The following TRPM3 variants were observed in gnomAD, a reference collection of about 807,000 sequenced individuals.
TRPM3 encodes transient receptor potential cation channel subfamily M member 3, also known as long transient receptor potential channel 3.
Under a neutral mutation model 181.2 loss-of-function variants are expected in TRPM3, and 77 were observed. That is an observed-to-expected ratio of 0.42 (90% CI 0.35 to 0.51). The LOEUF (loss-of-function observed/expected upper bound fraction) is 0.51. TRPM3 is among the 20% of genes least tolerant of loss of function. The pLI is 0.01. For missense variants in TRPM3, 1,759 were observed against 2,196.7 expected, an observed-to-expected ratio of 0.80 and a Z score of 3.98; for synonymous variants, 745 against 796.4, an observed-to-expected ratio of 0.94 and a Z score of 1.09.
At chr9:71,031,972 T>TTATA (rs1357270207) in intron 1 of TRPM3, among the ~76,000 whole-genome samples, 16 of 636 alleles carry the variant, frequency 0.025, no homozygotes, top group African/African-American at 0.038. Flanking sequence ...TATATATATA[T>TTATA]TATATATATA....
chr9:70,810,215 T>C, intron 6 of TRPM3: 2 of 388,296 alleles, frequency 5.2e-6, no homozygotes, highest in South Asian at 3.7e-5. Context: ...CATCACCCTG[T>C]CCTATGGGTA....
intron 22 of TRPM3, among the ~76,000 whole-genome samples, chr9:70,561,035 AG>A (rs2048925947): frequency 6.6e-6 from 1 of 152,238 alleles, no homozygotes; most frequent in Non-Finnish European, 1.5e-5. Context: ...ATGGCAAAAA[AG>A]GATATTTCTT....
At chr9:70,550,939 G>A (rs2046318503) in intron 24 of TRPM3, among the ~76,000 whole-genome samples, 2 of 152,162 alleles carry the variant, frequency 1.3e-5, no homozygotes. Context: ...CAGAGCATTA[G>A]TCTCGAGGGA....
chr9:71,207,261 C>T (rs1295997621), intron 1 of TRPM3, among the ~76,000 whole-genome samples: 4 of 152,078 alleles, frequency 2.6e-5, no homozygotes, highest in African/African-American at 9.7e-5. Context: ...ATAAATAATA[C>T]ATCTCTTACA....
intron 1 of TRPM3, among the ~76,000 whole-genome samples, chr9:70,865,058 G>A (rs182203783): frequency 4.0e-5 from 6 of 150,406 alleles, no homozygotes; most frequent in African/African-American, 1.2e-4. Context: ...GGGGGGGGGA[G>A]GAAAATAAAA....
chr9:70,961,283 A>C (rs1428800378), intron 1 of TRPM3, among the ~76,000 whole-genome samples: 1 of 117,338 alleles, frequency 8.5e-6, no homozygotes, highest in Non-Finnish European at 1.8e-5. Flanking sequence ...TACAGTCTCC[A>C]GAAGACATAC....
chr9:70,756,372 G>A (rs1160233683), intron 8 of TRPM3, among the ~76,000 whole-genome samples: 1 of 152,050 alleles, frequency 6.6e-6, no homozygotes, highest in Non-Finnish European at 1.5e-5. Context: ...AAGAGACTTA[G>A]ACTCCCACAC....
chr9:71,251,222 A>G (rs2082323994), intron 1 of TRPM3, among the ~76,000 whole-genome samples: 2 of 152,162 alleles, frequency 1.3e-5, no homozygotes, highest in Admixed American at 6.5e-5. Flanking sequence ...AGTATTCCTG[A>G]TATACATTCT....
intron 1 of TRPM3, among the ~76,000 whole-genome samples, chr9:70,930,798 T>G (rs891025154): frequency 6.6e-6 from 1 of 152,118 alleles, no homozygotes; most frequent in African/African-American, 2.4e-5. Flanking sequence ...TTATTTTAAA[T>G]GTCCATTGAA....
chr9:70,889,687 T>C (rs1378979141), intron 1 of TRPM3, among the ~76,000 whole-genome samples: 1 of 152,184 alleles, frequency 6.6e-6, no homozygotes, highest in Non-Finnish European at 1.5e-5. Context: ...CCAATCTGCA[T>C]TTTAATGCCT....
At chr9:70,574,141 A>C (rs1190634756) in intron 22 of TRPM3, among the ~76,000 whole-genome samples, 1 of 151,904 alleles carries the variant, frequency 6.6e-6, no homozygotes, top group East Asian at 1.9e-4. Flanking sequence ...ATCATCAACA[A>C]CATAATCATC....
intron 1 of TRPM3, among the ~76,000 whole-genome samples, chr9:71,032,110 T>A (rs1455504426): frequency 2.2e-5 from 2 of 90,028 alleles, no homozygotes; most frequent in African/African-American, 8.5e-5. Flanking sequence ...ATTATATATA[T>A]TATATTATAT....
chr9:70,861,367 T>TA (rs1459218822), intron 3 of TRPM3, among the ~76,000 whole-genome samples: 3 of 152,178 alleles, frequency 2.0e-5, no homozygotes, highest in Non-Finnish European at 4.4e-5. Flanking sequence ...TGCTCTCACT[T>TA]ACAAGCCTAT....
chr9:70,854,204 A>T (rs2095323529), intron 3 of TRPM3, among the ~76,000 whole-genome samples: 1 of 152,262 alleles, frequency 6.6e-6, no homozygotes, highest in Admixed American at 6.5e-5. Flanking sequence ...CACCTTACAA[A>T]TAACAAGAAG....
intron 1 of TRPM3, among the ~76,000 whole-genome samples, chr9:71,235,833 C>T (rs2081322742): frequency 6.6e-6 from 1 of 152,146 alleles, no homozygotes; most frequent in African/African-American, 2.4e-5. Flanking sequence ...GCAAAGGGCT[C>T]TCTGTTGATG....
intron 7 of TRPM3, among the ~76,000 whole-genome samples, chr9:70,765,362 G>T (rs1186719645): frequency 6.6e-6 from 1 of 152,096 alleles, no homozygotes; most frequent in Non-Finnish European, 1.5e-5. Flanking sequence ...AGCCAGAGGC[G>T]GGTGGATCAC....
Position 70,538,265 on chromosome 9 carries a change from T to C in TRPM3, c.3708-860A>G, listed in dbSNP as rs576415737. Among the ~76,000 whole-genome samples, 5 of 152,316 alleles carry C rather than the reference T, an allele frequency of 3.3e-5. No individual in the cohort carries two copies. The East Asian group carries it at 5.8e-4, about 18-fold the overall frequency. ...ATTGCTAGAACTCTCTATCCTCCCA[T>C]TGGAAATTCTTTTCTTTTTAAAATT... On this transcript the variant is annotated intron_variant, in intron 25 of 25. Coordinates refer to ENST00000677713, the MANE Select transcript of TRPM3 (RefSeq NM_001366145.2).
At chr9:70,574,289 T>C (rs2053338528) in intron 22 of TRPM3, among the ~76,000 whole-genome samples, 1 of 152,092 alleles carries the variant, frequency 6.6e-6, no homozygotes, top group Non-Finnish European at 1.5e-5. Flanking sequence ...TCCCTACCAT[T>C]CTCTCCTTGC....
At chr9:70,819,775 A>G (rs902585277) in intron 6 of TRPM3, among the ~76,000 whole-genome samples, 1 of 152,340 alleles carries the variant, frequency 6.6e-6, no homozygotes, top group Non-Finnish European at 1.5e-5. Flanking sequence ...CTAGCCTCAT[A>G]ATGAAATTTC....
Sources: gnomAD v4.1 joint callset for allele counts (sites outside exome capture counted in the v4.1 genomes callset) on GRCh38, gnomAD v4.1.1 for gene constraint, MANE v1.5 for transcripts, NCBI Gene and HGNC (gene_info 2026-07-23, HGNC 2026-07-21) for gene names.